Variants in RARB observed in about 807,000 individuals in gnomAD.
RARB encodes HBV-activated protein.
Under a neutral mutation model 51.9 loss-of-function variants are expected in RARB, and 17 were observed. That is an observed-to-expected ratio of 0.33 (90% CI 0.22 to 0.49). The LOEUF (loss-of-function observed/expected upper bound fraction) is 0.49. Among genes scored for constraint, RARB ranks in the 20% least tolerant of loss-of-function variants. The probability of loss-of-function intolerance (pLI) is 0.99; values close to 1 mark genes in which losing one functional copy is unlikely to be tolerated. For missense variants in RARB, 369 were observed against 550.8 expected, an observed-to-expected ratio of 0.67 and a Z score of 3.30; for synonymous variants, 215 against 195.4, an observed-to-expected ratio of 1.10 and a Z score of -0.84.
intron 2 of RARB, among the ~76,000 whole-genome samples, chr3:24,953,612 G>A (rs1161995920): frequency 2.6e-5 from 4 of 152,300 alleles, no homozygotes; most frequent in African/African-American, 7.2e-5. Context: ...ATGATAGATA[G>A]CTAGATGATA....
At chr3:25,341,170 T>C (rs1357751156) in intron 5 of RARB, among the ~76,000 whole-genome samples, 1 of 152,172 alleles carries the variant, frequency 6.6e-6, no homozygotes, top group East Asian at 1.9e-4. Context: ...AGTCTTCTGT[T>C]ACTCATATCT....
At chr3:25,208,854 G>A (rs1293509645) in intron 5 of RARB, among the ~76,000 whole-genome samples, 2 of 152,128 alleles carry the variant, frequency 1.3e-5, no homozygotes, top group African/African-American at 4.8e-5. Flanking sequence ...CTCCTGGGAA[G>A]CGCCTGCCTA....
chr3:25,427,597 T>C (rs959813423), upstream of RARB, among the ~76,000 whole-genome samples: 6 of 152,164 alleles, frequency 3.9e-5, no homozygotes, highest in Non-Finnish European at 7.4e-5. Context: ...ATATGCTGCA[T>C]AGAACCTGGA....
At chr3:25,117,871 G>T (rs1292837059) in intron 3 of RARB, among the ~76,000 whole-genome samples, 4 of 152,110 alleles carry the variant, frequency 2.6e-5, no homozygotes, top group Non-Finnish European at 4.4e-5. Flanking sequence ...AATCTGTTCG[G>T]TATAACAAAA....
At chr3:25,111,934 A>G (rs987245243) in intron 3 of RARB, among the ~76,000 whole-genome samples, 7 of 151,990 alleles carry the variant, frequency 4.6e-5, no homozygotes, top group African/African-American at 1.7e-4. Flanking sequence ...TTTGATTTGG[A>G]TATGTTTTGA....
intron 4 of RARB, among the ~76,000 whole-genome samples, chr3:25,137,381 C>A (rs1023808609): frequency 1.3e-5 from 2 of 151,962 alleles, no homozygotes; most frequent in African/African-American, 4.8e-5. Flanking sequence ...GTTCCCTTCT[C>A]TTTAGCTTTA....
intron 2 of RARB, among the ~76,000 whole-genome samples, chr3:25,040,875 T>C (rs1698098774): frequency 6.6e-6 from 1 of 152,208 alleles, no homozygotes; most frequent in African/African-American, 2.4e-5. Context: ...CTGCCTGGTC[T>C]AAGGTCTGTC....
chr3:25,531,428 T>C (rs1559453950), intron 3 of RARB, among the ~76,000 whole-genome samples: 2 of 144,690 alleles, frequency 1.4e-5, no homozygotes, highest in African/African-American at 5.2e-5. Context: ...AGATAGAAGA[T>C]AGATAGATAC....
intron 2 of RARB, among the ~76,000 whole-genome samples, chr3:24,986,957 T>C (rs1696807427): frequency 7.6e-6 from 1 of 132,140 alleles, no homozygotes; most frequent in African/African-American, 2.9e-5. Flanking sequence ...CCCAAGAACA[T>C]TTAGATTTCA....
In RARB at chr3:25,384,163, C is replaced by T. The variant is rs989476648; in HGVS notation, c.179-77030C>T. Reference sequence around the variant, plus strand: ...ATCTAGCATGTCTGATTAGAATGCTCTGGGGGTCCATGAGCCCCTGCACCC... The same window carrying T: ...ATCTAGCATGTCTGATTAGAATGCTTTGGGGGTCCATGAGCCCCTGCACCC... On this transcript the variant is annotated intron_variant, in intron 5 of 11. Transcript: ENST00000383772. 2.0e-5 allele frequency among the ~76,000 whole-genome samples: 3 copies of T among 152,140 alleles called. No homozygotes were observed. In the South Asian group the frequency reaches 6.2e-4, roughly 31 times the overall value.
chr3:25,129,521 A>G (rs1460208244), intron 3 of RARB, among the ~76,000 whole-genome samples: 1 of 152,104 alleles, frequency 6.6e-6, no homozygotes, highest in Admixed American at 6.6e-5. Flanking sequence ...TTAAACTTAC[A>G]TTTAAACTTA....
intron 5 of RARB, among the ~76,000 whole-genome samples, chr3:25,315,401 A>G (rs1203915630): frequency 6.6e-6 from 1 of 152,192 alleles, no homozygotes; most frequent in Non-Finnish European, 1.5e-5. Context: ...ACATACGACC[A>G]TGTACACAGT....
chr3:24,841,179 C>T (rs1702417109), intron 1 of RARB, among the ~76,000 whole-genome samples: 1 of 152,184 alleles, frequency 6.6e-6, no homozygotes, highest in Non-Finnish European at 1.5e-5. Flanking sequence ...TTATTGTATA[C>T]TCAATTCAAC....
At chr3:25,584,536 G>C (rs1022635178) in intron 5 of RARB, among the ~76,000 whole-genome samples, 2 of 152,140 alleles carry the variant, frequency 1.3e-5, no homozygotes, top group African/African-American at 4.8e-5. Flanking sequence ...TGTGAGTCGT[G>C]GGGAGCCTAG....
chr3:25,582,596 C>T (rs11928466), intron 5 of RARB, among the ~76,000 whole-genome samples: 1,523 of 152,184 alleles, frequency 0.01, 26 homozygotes, highest in African/African-American at 0.034. Context: ...TATTTCTGCA[C>T]AGCCACACAC....
intron 2 of RARB, among the ~76,000 whole-genome samples, chr3:24,937,354 C>G (rs1213852783): frequency 6.6e-6 from 1 of 152,132 alleles, no homozygotes; most frequent in East Asian, 1.9e-4. Context: ...ACACCCAGTT[C>G]TCTTGCATGA....
chr3:25,084,485 A>T (rs1407372897), intron 3 of RARB, among the ~76,000 whole-genome samples: 1 of 151,908 alleles, frequency 6.6e-6, no homozygotes, highest in Non-Finnish European at 1.5e-5. Context: ...ATCTGTTTAG[A>T]TTACACTGGA....
chr3:25,289,713 A>G (rs322676), intron 5 of RARB, among the ~76,000 whole-genome samples: 21,253 of 152,224 alleles, frequency 0.14, 1,754 homozygotes, highest in South Asian at 0.22. Context: ...TTTATAGCAT[A>G]ATAAAGGAGT....
chr3:24,906,578 C>T (rs944276598), intron 2 of RARB, among the ~76,000 whole-genome samples: 1 of 152,156 alleles, frequency 6.6e-6, no homozygotes, highest in African/African-American at 2.4e-5. Context: ...AGTGGTGACT[C>T]ATGCCTGTAA....
Sources: allele counts gnomAD v4.1 joint callset (sites outside exome capture counted in the v4.1 genomes callset), GRCh38; gene constraint gnomAD v4.1.1; transcripts MANE v1.5; gene names NCBI Gene and HGNC (gene_info 2026-07-23, HGNC 2026-07-21).